PIBF1: variants seen among roughly 807,000 people sequenced by gnomAD.
PIBF1 encodes progesterone immunomodulatory binding factor 1, also known as progesterone-induced-blocking factor 1.
Under a neutral mutation model 112.5 loss-of-function variants are expected in PIBF1, and 90 were observed. The observed-to-expected ratio is 0.80, with a 90% confidence interval of 0.67 to 0.95. The LOEUF is 0.95. Among genes scored for constraint, PIBF1 ranks in the 40% least tolerant of loss-of-function variants. The pLI is 0.00. For missense variants in PIBF1, 915 were observed against 852.3 expected, an observed-to-expected ratio of 1.07 and a Z score of -0.92; for synonymous variants, 301 against 288.6, an observed-to-expected ratio of 1.04 and a Z score of -0.44.
At chr13:72,822,698 T>C (rs935406270) in intron 6 of PIBF1, among the ~76,000 whole-genome samples, 15 of 152,238 alleles carry the variant, frequency 9.9e-5, no homozygotes, top group African/African-American at 3.6e-4. Flanking sequence ...AGTGAATATT[T>C]GTTAAATGAA....
intron 9 of PIBF1, among the ~76,000 whole-genome samples, chr13:72,850,380 T>C (rs1485332238): frequency 6.6e-6 from 1 of 152,266 alleles, no homozygotes; most frequent in Non-Finnish European, 1.5e-5. Context: ...CAACTCCTTC[T>C]CTTTGTGGCC....
intron 2 of PIBF1, among the ~76,000 whole-genome samples, chr13:72,786,059 A>G (rs2034581746): frequency 6.6e-6 from 1 of 152,226 alleles, no homozygotes. Flanking sequence ...CTATAAAATG[A>G]TAATAGTATT....
intron 1 of PIBF1, 102 bp from the exon 2 acceptor site, chr13:72,783,321 C>G (rs2034399102): frequency 1.6e-6 from 1 of 607,500 alleles, no homozygotes; most frequent in African/African-American, 1.8e-5. Context: ...CACTAAATTG[C>G]CTAATATTTA....
intron 5 of PIBF1, among the ~76,000 whole-genome samples, chr13:72,820,004 CA>C (rs1160759952): frequency 6.6e-6 from 1 of 152,078 alleles, no homozygotes; most frequent in East Asian, 1.9e-4. Context: ...CAAATTCTGT[CA>C]TGGCGTTTGC....
intron 16 of PIBF1, among the ~76,000 whole-genome samples, chr13:72,984,113 C>G (rs2043218852): frequency 6.6e-6 from 1 of 151,932 alleles, no homozygotes; most frequent in South Asian, 2.1e-4. Context: ...GGGTGTGTGA[C>G]TTCAGGTCTG....
At chr13:72,906,728 A>G (rs1466542575) in intron 11 of PIBF1, among the ~76,000 whole-genome samples, 2 of 152,172 alleles carry the variant, frequency 1.3e-5, no homozygotes, top group Non-Finnish European at 2.9e-5. Flanking sequence ...TTAAAATAAT[A>G]TCTTATAAAA....
chr13:72,883,261 C>T (rs1364157640), intron 10 of PIBF1, among the ~76,000 whole-genome samples: 3 of 152,098 alleles, frequency 2.0e-5, no homozygotes, highest in East Asian at 3.9e-4. Flanking sequence ...CATGTTCTCA[C>T]TTGTTTGTGG....
At chr13:72,965,156 C>G (rs1338945550) in intron 14 of PIBF1, 118 bp from the exon 15 acceptor site, 5 of 869,790 alleles carry the variant, frequency 5.7e-6, no homozygotes, top group Non-Finnish European at 7.1e-6. Flanking sequence ...ACAGGAAAAG[C>G]TTTTCAGAAT....
At chr13:73,004,337 A>G (rs2043963318) in intron 17 of PIBF1, among the ~76,000 whole-genome samples, 2 of 152,038 alleles carry the variant, frequency 1.3e-5, no homozygotes, top group South Asian at 4.2e-4. Context: ...CTAAAAATAC[A>G]AAAATTAGCC....
chr13:72,994,585 C>T (rs2043586947), intron 16 of PIBF1, among the ~76,000 whole-genome samples: 1 of 152,032 alleles, frequency 6.6e-6, no homozygotes, highest in African/African-American at 2.4e-5. Context: ...GCAAATAAAC[C>T]CACTGACCAA....
chr13:72,958,121 TAA>T (rs879642061), intron 14 of PIBF1, among the ~76,000 whole-genome samples: 1 of 144,018 alleles, frequency 6.9e-6, no homozygotes, highest in Non-Finnish European at 1.5e-5. Flanking sequence ...CCTTGCCTCT[TAA>T]AAAAAAAAAG....
rs150759095 is a variant in PIBF1 at position 72,993,670 on chromosome 13, C to T, written c.2050-5152C>T. 3.0e-3 allele frequency among the ~76,000 whole-genome samples: 449 copies of T among 147,372 alleles called. 3 individuals are homozygous for T. Among genetic ancestry groups the T allele is most frequent in the African/African-American group, 0.01 (418 of 39,958 alleles). On this transcript the variant is annotated intron_variant, in intron 16 of 17. Transcript: ENST00000326291. ...CTGAGGCAGGGGAATGGCGTGAACC[C>T]AGGAGGCAGAGCTTGCAGTGAGCCA...
intron 5 of PIBF1, among the ~76,000 whole-genome samples, chr13:72,818,157 T>G (rs935138770): frequency 1.4e-4 from 21 of 152,302 alleles, no homozygotes; most frequent in Middle Eastern, 3.4e-3. Flanking sequence ...CCTAAAATAC[T>G]CTGCATATTT....
intron 13 of PIBF1, among the ~76,000 whole-genome samples, chr13:72,920,784 A>AC (rs1566449182): frequency 1.3e-5 from 2 of 151,730 alleles, no homozygotes; most frequent in African/African-American, 4.8e-5. Flanking sequence ...GGCAACATAG[A>AC]GAGACTCCCA....
At chr13:72,935,570 T>C (rs180908527) in intron 14 of PIBF1, among the ~76,000 whole-genome samples, 1 of 152,222 alleles carries the variant, frequency 6.6e-6, no homozygotes, top group African/African-American at 2.4e-5. Flanking sequence ...AGGAGTAGAC[T>C]GGCCGGATCA....
chr13:72,990,473 A>T (rs151020801), intron 16 of PIBF1, among the ~76,000 whole-genome samples: 14 of 149,310 alleles, frequency 9.4e-5, no homozygotes, highest in African/African-American at 3.5e-4. Context: ...GTGAGCCAAG[A>T]TCGTGCCACT....
chr13:73,014,718 TC>T (rs1376504552), intron 17 of PIBF1, among the ~76,000 whole-genome samples: 24 of 152,252 alleles, frequency 1.6e-4, no homozygotes, highest in African/African-American at 5.8e-4. Flanking sequence ...TTTAAGACAG[TC>T]TTGCTCTGTT....
intron 14 of PIBF1, among the ~76,000 whole-genome samples, chr13:72,959,075 T>G (rs1481544257): frequency 6.6e-6 from 1 of 152,088 alleles, no homozygotes; most frequent in East Asian, 1.9e-4. Context: ...CTCGGCTCAC[T>G]GCAACCACCT....
intron 14 of PIBF1, among the ~76,000 whole-genome samples, chr13:72,937,012 A>G (rs975343900): frequency 6.6e-6 from 1 of 152,134 alleles, no homozygotes; most frequent in African/African-American, 2.4e-5. Flanking sequence ...ACTGTTTGAC[A>G]TCTTTTATTG....
Sources: allele counts gnomAD v4.1 joint callset (sites outside exome capture counted in the v4.1 genomes callset), GRCh38; gene constraint gnomAD v4.1.1; transcripts MANE v1.5; gene names NCBI Gene and HGNC (gene_info 2026-07-23, HGNC 2026-07-21).